SLAIN1: variants seen among roughly 807,000 people sequenced by gnomAD.
SLAIN1 encodes SLAIN family member 1.
A neutral mutation model predicts 55.4 loss-of-function variants in SLAIN1; 17 were observed. The observed-to-expected ratio is 0.31, with a 90% CI of 0.21 to 0.46. SLAIN1 has a LOEUF of 0.46. SLAIN1 is among the 20% of genes least tolerant of loss of function. SLAIN1 has a pLI of 1.00. For missense variants in SLAIN1, 682 were observed against 785.1 expected (o/e 0.87, Z 1.57); for synonymous variants, 348 against 337.4 (o/e 1.03, Z -0.35).
intron 1 of SLAIN1, among the ~76,000 whole-genome samples, chr13:77,715,175 T>A (rs1224679864): frequency 3.9e-5 from 6 of 152,204 alleles, no homozygotes; most frequent in Non-Finnish European, 8.8e-5. Flanking sequence ...TTTATATCAA[T>A]AAAGTCACAG....
chr13:77,707,864 G>T (rs2091105900), intron 1 of SLAIN1, among the ~76,000 whole-genome samples: 1 of 152,140 alleles, frequency 6.6e-6, no homozygotes, highest in African/African-American at 2.4e-5. Flanking sequence ...GGCTTCTCTG[G>T]ATCAGCTTAT....
intron 1 of SLAIN1, among the ~76,000 whole-genome samples, chr13:77,709,771 G>GTTC (rs1181486238): frequency 2.0e-5 from 3 of 152,044 alleles, no homozygotes; most frequent in African/African-American, 7.2e-5. Flanking sequence ...ATATATTGTT[G>GTTC]TTGTTGTTGT....
intron 2 of SLAIN1, among the ~76,000 whole-genome samples, chr13:77,738,225 TATATAC>T (rs1197671152): frequency 3.3e-5 from 5 of 150,310 alleles, no homozygotes; most frequent in Middle Eastern, 7.0e-3. Context: ...TACACATACA[TATATAC>T]ATATACATAT....
intron 2 of SLAIN1, among the ~76,000 whole-genome samples, chr13:77,720,349 C>A (rs1351684579): frequency 6.6e-6 from 1 of 152,042 alleles, no homozygotes; most frequent in East Asian, 1.9e-4. Context: ...ATTCCATGGA[C>A]CACCTGCATC....
chr13:77,755,940 A>G (rs773257861), intron 5 of SLAIN1, among the ~76,000 whole-genome samples: 2 of 152,084 alleles, frequency 1.3e-5, no homozygotes, highest in Admixed American at 6.6e-5. Flanking sequence ...TATCATGACA[A>G]TTTCTGGTTC....
intron 2 of SLAIN1, among the ~76,000 whole-genome samples, chr13:77,720,425 A>C (rs1054723834): frequency 6.6e-6 from 1 of 152,126 alleles, no homozygotes; most frequent in Non-Finnish European, 1.5e-5. Flanking sequence ...ATACTGTTTG[A>C]GGGTAGAGTC....
chr13:77,721,996 G>GTT (rs11431197), intron 2 of SLAIN1, among the ~76,000 whole-genome samples: 3 of 145,314 alleles, frequency 2.1e-5, no homozygotes, highest in African/African-American at 7.8e-5. Context: ...ATAAGGTTAG[G>GTT]TTTTTTTTTC....
chr13:77,743,133 C>T (rs1873569659), intron 2 of SLAIN1: 4 of 1,302,712 alleles, frequency 3.1e-6, no homozygotes, highest in Non-Finnish European at 4.0e-6. Context: ...TCTAAAACCT[C>T]AAATAAAGCA....
intron 2 of SLAIN1, among the ~76,000 whole-genome samples, chr13:77,737,854 C>G (rs912865255): frequency 6.6e-6 from 1 of 152,034 alleles, no homozygotes; most frequent in Non-Finnish European, 1.5e-5. Context: ...TCTTTAGAAA[C>G]TGGAGTGGGA....
chr13:77,704,236 G>T lies in SLAIN1; in HGVS notation c.626+5697G>T, dbSNP rs1160443684. ...TATGTTTTATATGTATATATACATA[G>T]AAAATATATGTACATATGTTTTATA... On this transcript the variant is annotated intron_variant, in intron 1 of 6. Transcript: ENST00000418532. Among the ~76,000 whole-genome samples, 6 of 103,892 alleles carry T rather than the reference G, an allele frequency of 5.8e-5. No homozygotes were observed. The East Asian group carries it at 8.3e-4, about 14-fold the overall frequency. The allele number at this position is 103,892 out of a possible 152,430, so 68.2% of individuals were successfully genotyped here. A position where few individuals can be genotyped will look rare whatever the true frequency, so the allele number is the denominator to read the frequency against.
intron 1 of SLAIN1, among the ~76,000 whole-genome samples, chr13:77,714,191 T>C (rs1305752617): frequency 6.6e-6 from 1 of 151,768 alleles, no homozygotes; most frequent in African/African-American, 2.4e-5. Context: ...ATAAGGAAAA[T>C]TGGTGAAAAA....
chr13:77,743,866 TATC>T (rs1329188652), intron 2 of SLAIN1, among the ~76,000 whole-genome samples: 1 of 152,008 alleles, frequency 6.6e-6, no homozygotes, highest in African/African-American at 2.4e-5. Context: ...AAAAATATAT[TATC>T]AGTTACTGTC....
chr13:77,753,925 ACTTT>A (rs1380012155), intron 5 of SLAIN1, among the ~76,000 whole-genome samples: 8 of 151,980 alleles, frequency 5.3e-5, no homozygotes, highest in Non-Finnish European at 1.0e-4. Context: ...TCTGTTACTT[ACTTT>A]CTATGTTTTA....
At position 77,698,087 on chromosome 13, in the gene SLAIN1, CCTGCTG is replaced by C; in HGVS notation, c.182_187del (p.Leu61_Leu62del). The C allele has an allele frequency of 1.7e-6, 2 of 1,210,226 alleles. No individual in the cohort carries two copies. Among genetic ancestry groups the C allele is most frequent in the Non-Finnish European group, 2.1e-6 (2 of 971,124 alleles). The allele number at this position is 1,210,226 out of a possible 1,614,324, so 75.0% of individuals were successfully genotyped here. Reference sequence around the variant, plus strand: ...CGGCCAGCGCGGCCGCCGCCCCGCACCTGCTGCTGCTGCCGCCGCCGCCGCCCGCCG... The same window carrying C: ...CGGCCAGCGCGGCCGCCGCCCCGCACCTGCTGCCGCCGCCGCCGCCCGCCG... On this transcript the variant is annotated inframe_deletion, in exon 1 of 7. Transcript: ENST00000418532. The surrounding 1 kb of genome is among the most constrained non-coding windows in gnomAD (Gnocchi z 4.1).
intron 2 of SLAIN1, among the ~76,000 whole-genome samples, chr13:77,729,312 C>T (rs1594271655): frequency 1.3e-5 from 2 of 152,004 alleles, no homozygotes; most frequent in South Asian, 2.1e-4. Context: ...TGCATTTCTA[C>T]CATGATTCGA....
chr13:77,724,392 G>A (rs2154409816), intron 2 of SLAIN1, among the ~76,000 whole-genome samples: 1 of 152,280 alleles, frequency 6.6e-6, no homozygotes, highest in African/African-American at 2.4e-5. Context: ...AACAGAGGAT[G>A]TCAAAACCCA....
At chr13:77,752,163 TGTG>T (rs1459704812) in intron 4 of SLAIN1, among the ~76,000 whole-genome samples, 2 of 152,154 alleles carry the variant, frequency 1.3e-5, no homozygotes, top group Non-Finnish European at 2.9e-5. Context: ...CAGAGATTAA[TGTG>T]GTCATGTTAA....
In SLAIN1 at chr13:77,760,795, G is replaced by A. The variant is rs1253056889; in HGVS notation, c.1415-33G>A. Reference sequence around the variant, plus strand: ...TTTCCTAAGTCGGATAGTGGTAGAAGGTTGCTCACATGAATATCATTTTCT... The same window carrying A: ...TTTCCTAAGTCGGATAGTGGTAGAAAGTTGCTCACATGAATATCATTTTCT... On this transcript the variant is annotated intron_variant, in intron 5 of 6. Coordinates refer to ENST00000418532, the MANE Select transcript of SLAIN1 (RefSeq NM_001242868.2). 5.0e-6 allele frequency: 8 copies of A among 1,605,982 alleles called. No homozygotes were observed. The East Asian group carries it at 1.6e-4, about 31-fold the overall frequency.
In SLAIN1 at chr13:77,726,727, T is replaced by C. The variant is rs376000637; in HGVS notation, c.766+7056T>C. 1.4e-4 allele frequency among the ~76,000 whole-genome samples: 22 copies of C among 152,326 alleles called. No individual in the cohort carries two copies. The East Asian group carries it at 2.1e-3, about 15-fold the overall frequency. ...CCACTGTGCTTGGCCCTAAGAAACT[T>C]TTTATTATAAATTGCAAAACTTACT... On this transcript the variant is annotated intron_variant, in intron 2 of 6. Coordinates refer to ENST00000418532, the MANE Select transcript of SLAIN1 (RefSeq NM_001242868.2).
Sources: gnomAD v4.1 joint callset for allele counts (sites outside exome capture counted in the v4.1 genomes callset) on GRCh38, gnomAD v4.1.1 for gene constraint, Gnocchi (gnomAD v3.1) non-coding constraint, MANE v1.5 for transcripts, NCBI Gene and HGNC (gene_info 2026-07-23, HGNC 2026-07-21) for gene names.